Variants in ZNF131 observed in about 807,000 individuals in gnomAD.
ZNF131 encodes the protein zinc finger protein 131.
A neutral mutation model predicts 60.0 loss-of-function variants in ZNF131; 7 were observed. The ratio of observed to expected loss-of-function variants is 0.12; its 90% CI spans 0.07 to 0.22. The LOEUF (loss-of-function observed/expected upper bound fraction) is 0.22. Ranked by LOEUF, ZNF131 falls within the 10% of genes least tolerant of loss-of-function variation. The pLI, the probability that ZNF131 is intolerant of heterozygous loss-of-function variation, is 1.00. For missense variants in ZNF131, 493 were observed against 740.9 expected, an observed-to-expected ratio of 0.67 and a Z score of 3.88; for synonymous variants, 257 against 253.2, an observed-to-expected ratio of 1.01 and a Z score of -0.14.
intron 4 of ZNF131, among the ~76,000 whole-genome samples, chr5:43,158,862 C>T (rs113418693): frequency 0.014 from 2,073 of 150,280 alleles, 23 homozygotes; most frequent in South Asian, 0.025. Context: ...TTTTTTTTCC[C>T]AGCATCTTAT....
intron 4 of ZNF131, among the ~76,000 whole-genome samples, chr5:43,154,859 G>A (rs1412275428): frequency 6.6e-6 from 1 of 152,160 alleles, no homozygotes; most frequent in Non-Finnish European, 1.5e-5. Flanking sequence ...CAGAGGCGTG[G>A]ATGTCTTTAA....
intron 4 of ZNF131, among the ~76,000 whole-genome samples, chr5:43,140,821 A>G (rs13189574): frequency 0.097 from 14,813 of 152,152 alleles, 853 homozygotes; most frequent in East Asian, 0.19. Context: ...GGTTCAAGCA[A>G]TTCTCCCTGT....
intron 4 of ZNF131, among the ~76,000 whole-genome samples, chr5:43,156,071 G>A (rs1210795930): frequency 1.3e-5 from 2 of 152,116 alleles, no homozygotes; most frequent in African/African-American, 4.8e-5. Context: ...TCCCAGTTGG[G>A]GTGATTCCCT....
chr5:43,144,552 CT>C (rs1747340604), intron 4 of ZNF131, among the ~76,000 whole-genome samples: 1 of 152,008 alleles, frequency 6.6e-6, no homozygotes, highest in African/African-American at 2.4e-5. Flanking sequence ...TTAAAGCCCC[CT>C]ATGAACATCT....
At chr5:43,122,240 A>T in intron 2 of ZNF131, 63 bp downstream of exon 2, 1 of 1,334,114 alleles carries the variant, frequency 7.5e-7, no homozygotes, top group Non-Finnish European at 9.7e-7. Context: ...TCCTTCGGAC[A>T]CCCGCCTTTT....
intron 3 of ZNF131, among the ~76,000 whole-genome samples, chr5:43,136,548 G>A (rs991331920): frequency 7.5e-6 from 1 of 132,948 alleles, no homozygotes; most frequent in Admixed American, 8.6e-5. Flanking sequence ...GTGCAGTGGT[G>A]TAATCTTGGC....
chr5:43,146,628 C>T (rs1219232380), intron 4 of ZNF131, among the ~76,000 whole-genome samples: 4 of 151,848 alleles, frequency 2.6e-5, no homozygotes, highest in Non-Finnish European at 5.9e-5. Flanking sequence ...GTGTATGAGT[C>T]GGGCGCAGTG....
intron 4 of ZNF131, among the ~76,000 whole-genome samples, chr5:43,153,658 A>G (rs901987651): frequency 3.3e-5 from 5 of 151,958 alleles, no homozygotes; most frequent in African/African-American, 1.2e-4. Context: ...AAACAAACAA[A>G]CAAAAATTCA....
chr5:43,159,190 G>A (rs1230924479), intron 4 of ZNF131, among the ~76,000 whole-genome samples: 1 of 152,032 alleles, frequency 6.6e-6, no homozygotes, highest in East Asian at 1.9e-4. Context: ...CCTGCCTAAC[G>A]TTTTTTCCAG....
At chr5:43,170,701 C>T (rs1381552244) in intron 5 of ZNF131, among the ~76,000 whole-genome samples, 2 of 150,130 alleles carry the variant, frequency 1.3e-5, no homozygotes, top group Admixed American at 6.7e-5. Flanking sequence ...GGTGCAATCT[C>T]GGCTCACTGC....
intron 3 of ZNF131, 176 bp downstream of exon 3, chr5:43,123,486 C>T (rs1744131943): frequency 2.2e-6 from 1 of 460,176 alleles, no homozygotes. Flanking sequence ...ATAAATTGTT[C>T]TTTTGATACC....
Position 43,175,563 on chromosome 5 carries a change from A to G in ZNF131, c.*430A>G, listed in dbSNP as rs1464009394. The G allele has an allele frequency of 2.4e-5, 16 of 654,960 alleles. No homozygotes were observed. In the Admixed American group the frequency reaches 4.0e-4, roughly 16 times the overall value. The allele number at this position is 654,960 out of a possible 1,614,324, so 40.6% of individuals were successfully genotyped here. On this transcript the variant is annotated 3_prime_UTR_variant, in exon 7 of 7. Transcript: ENST00000682664. ...GTTAGAAAATTGAATAATATAGGAA[A>G]CACAAGGCTGCATGATGAAAAGTGC...
intron 4 of ZNF131, among the ~76,000 whole-genome samples, chr5:43,158,752 C>T (rs1266266845): frequency 6.6e-6 from 1 of 152,160 alleles, no homozygotes; most frequent in African/African-American, 2.4e-5. Flanking sequence ...GTTGACTATA[C>T]AGTGTAGTCA....
intron 4 of ZNF131, among the ~76,000 whole-genome samples, chr5:43,160,213 A>T (rs1749507290): frequency 6.6e-6 from 1 of 150,682 alleles, no homozygotes; most frequent in Non-Finnish European, 1.5e-5. Flanking sequence ...AAAAAGAAGA[A>T]ATCTGTCAGC....
intron 4 of ZNF131, among the ~76,000 whole-genome samples, chr5:43,160,549 A>T (rs190359504): frequency 6.6e-6 from 1 of 152,216 alleles, no homozygotes; most frequent in East Asian, 1.9e-4. Flanking sequence ...GAAATTTACT[A>T]ATTCTTAAAT....
intron 5 of ZNF131, 71 bp from the exon 6 acceptor site, chr5:43,173,242 AAAAGT>A (rs1252878017): frequency 1.8e-5 from 25 of 1,388,134 alleles, no homozygotes; most frequent in African/African-American, 2.9e-5. Flanking sequence ...CCCAAAAAGA[AAAAGT>A]AAACGTTTAA....
chr5:43,144,561 T>C (rs1241954326), intron 4 of ZNF131, among the ~76,000 whole-genome samples: 1 of 151,994 alleles, frequency 6.6e-6, no homozygotes, highest in Non-Finnish European at 1.5e-5. Context: ...CCTATGAACA[T>C]CTCATTCTCC....
chr5:43,166,875 G>A (rs1750432939), intron 5 of ZNF131, among the ~76,000 whole-genome samples: 1 of 151,974 alleles, frequency 6.6e-6, no homozygotes, highest in Admixed American at 6.6e-5. Context: ...GGCCAGGCTG[G>A]TCTTGAACTC....
intron 4 of ZNF131, 129 bp from the exon 5 acceptor site, chr5:43,161,120 T>G: frequency 1.3e-6 from 1 of 771,296 alleles, no homozygotes; most frequent in Non-Finnish European, 2.1e-6. Flanking sequence ...TGAAATCAGG[T>G]AGGATAAGCC....
Sources: allele counts gnomAD v4.1 joint callset (sites outside exome capture counted in the v4.1 genomes callset), GRCh38; gene constraint gnomAD v4.1.1; transcripts MANE v1.5; gene names NCBI Gene and HGNC (gene_info 2026-07-23, HGNC 2026-07-21).